AP2S1: variants seen among roughly 807,000 people sequenced by gnomAD.
AP2S1 encodes the protein adaptor related protein complex 2 subunit sigma 1.
AP2S1 carries 6 observed loss-of-function variants against 21.0 expected under a neutral mutation model. That is an observed-to-expected ratio of 0.29 (90% confidence interval 0.16 to 0.56). The LOEUF (loss-of-function observed/expected upper bound fraction) is 0.56, where lower values mean the gene tolerates loss of function less well. Among genes scored for constraint, AP2S1 ranks in the 20% least tolerant of loss-of-function variants. AP2S1 has a pLI of 0.92. For missense variants in AP2S1, 60 were observed against 186.2 expected (o/e 0.32, Z 3.95); for synonymous variants, 63 against 74.6 (o/e 0.84, Z 0.80).
chr19:46,841,437 C>T (rs1004780050), intron 2 of AP2S1, among the ~76,000 whole-genome samples: 3 of 152,196 alleles, frequency 2.0e-5, no homozygotes, highest in African/African-American at 7.2e-5. Flanking sequence ...TCTCAGGGAT[C>T]TGCTGCAGAC....
Position 46,838,186 on chromosome 19 carries a change from T to G in AP2S1, c.*261A>C. On this transcript the variant is annotated 3_prime_UTR_variant, in exon 5 of 5. Transcript: ENST00000263270. This position sits in a 1 kb window ranked among gnomAD's most constrained non-coding sequence, Gnocchi z 4.1. ...GGCAAGGCCAGGCAGGACCACAGGT[T>G]TATTGGGGACTCCACGCACAGACGC... 3 of 493,518 alleles carry G rather than the reference T, an allele frequency of 6.1e-6. No individual in the cohort carries two copies. Among genetic ancestry groups the G allele is most frequent in the East Asian group, 3.5e-5 (1 of 28,316 alleles). 30.6% of individuals were successfully genotyped at this position (493,518 alleles called of 1,614,324 possible).
chr19:46,838,850 C>A lies in AP2S1; in HGVS notation c.268-51G>T, dbSNP rs1428015908. On this transcript the variant is annotated intron_variant, in intron 3 of 4. Coordinates refer to ENST00000263270, the MANE Select transcript of AP2S1 (RefSeq NM_004069.6). The surrounding 1 kb of genome is among the most constrained non-coding windows in gnomAD (Gnocchi z 4.1). ...AGAGATGGGCAGGGAGAGAGCCACA[C>A]ACGCACAGAGATGGGAACAAGGTCA... The A allele has an allele frequency of 6.5e-7, 1 of 1,548,952 alleles. No individual in the cohort carries two copies. The highest frequency in any genetic ancestry group is 1.4e-5 in the African/African-American group (1 of 73,620).
chr19:46,844,426 C>T (rs980872561), intron 2 of AP2S1, among the ~76,000 whole-genome samples: 1 of 152,176 alleles, frequency 6.6e-6, no homozygotes, highest in Non-Finnish European at 1.5e-5. Flanking sequence ...GACATTGGCT[C>T]CTTCCTCCCC....
rs370660532 is a variant in AP2S1, at chr19:46,846,191, G to A, written c.4-49C>T. 145 of 1,606,838 alleles carry A rather than the reference G, an allele frequency of 9.0e-5. 1 individual carries two copies. Among genetic ancestry groups the A allele is most frequent in the Middle Eastern group, 3.3e-4 (2 of 6,010 alleles). On this transcript the variant is annotated intron_variant, in intron 1 of 4. Transcript: ENST00000263270. ...AGGAAGTGAGAGAGGCAGAGAGGGCGGGTTGGGTGCTGCCCAACGGCCCCA... is the reference window on the plus strand; with the variant it reads ...AGGAAGTGAGAGAGGCAGAGAGGGCAGGTTGGGTGCTGCCCAACGGCCCCA...
In AP2S1 at chr19:46,838,233, G is replaced by T; in HGVS notation, c.*214C>A. ...ACGCTTATGGCATCACACGACAACG[G>T]CACGGTTACTCGGGACACACACGGT... On this transcript the variant is annotated 3_prime_UTR_variant, in exon 5 of 5. Transcript: ENST00000263270. The surrounding 1 kb of genome is among the most constrained non-coding windows in gnomAD (Gnocchi z 4.1). 1.7e-6 allele frequency: 1 copy of T among 588,306 alleles called. No individual in the cohort carries two copies. Among genetic ancestry groups the T allele is most frequent in the African/African-American group, 1.9e-5 (1 of 53,668 alleles). 36.4% of individuals were successfully genotyped at this position (588,306 alleles called of 1,614,324 possible).
rs111373526 is a variant in AP2S1 at position 46,838,582 on chromosome 19, C to A, written c.328-34G>T. ...GGGGAGACCCTGGGGTGAGACGAGG[C>A]CCCCCAGGATGCTGGCCCGGACCCT... On this transcript the variant is annotated intron_variant, in intron 4 of 4. Transcript: ENST00000263270. The surrounding 1 kb of genome is among the most constrained non-coding windows in gnomAD (Gnocchi z 4.1). The A allele has an allele frequency of 1.2e-6, 2 of 1,608,958 alleles. No homozygotes were observed. The highest frequency in any genetic ancestry group is 1.3e-5 in the African/African-American group (1 of 74,814).
At chr19:46,847,444 C>T (rs1170770759) in intron 1 of AP2S1, among the ~76,000 whole-genome samples, 1 of 152,152 alleles carries the variant, frequency 6.6e-6, no homozygotes, top group Non-Finnish European at 1.5e-5. Context: ...TCTCGAACTC[C>T]TGGCCTCAAG....
chr19:46,840,720 A>ATTTTTTT (rs781138883), intron 2 of AP2S1, among the ~76,000 whole-genome samples: 19 of 110,718 alleles, frequency 1.7e-4, no homozygotes, highest in African/African-American at 6.3e-4. Context: ...AGTCTTCGGC[A>ATTTTTTT]TTTTTTTTTT....
chr19:46,844,329 T>C (rs899960863), intron 2 of AP2S1, among the ~76,000 whole-genome samples: 1 of 152,188 alleles, frequency 6.6e-6, no homozygotes, highest in Admixed American at 6.5e-5. Context: ...CCTGGCTGCA[T>C]TCCTGCTATC....
At chr19:46,845,735 T>A in intron 2 of AP2S1, 1 of 374,188 alleles carries the variant, frequency 2.7e-6, no homozygotes, top group Non-Finnish European at 4.8e-6. Flanking sequence ...ATATTAATAC[T>A]GATTAAATCT....
rs754791186 is a variant in AP2S1 at position 46,838,531 on chromosome 19, G to A, written c.345C>T (p.Asp115=). ...GGATTTCGCCAGCCAGGAACATCTC[G>A]TCCACGACCGTGTAAACCTGTGTGA... ...FNFYKVYTVV[D]EMFLAGEIRE... Residue 115 remains aspartate, a synonymous_variant, in exon 5 of 5, where the codon GAC becomes GAT. Transcript: ENST00000263270. The surrounding 1 kb of genome is among the most constrained non-coding windows in gnomAD (Gnocchi z 4.1). 9.3e-6 allele frequency: 15 copies of A among 1,614,070 alleles called. No individual in the cohort carries two copies. The highest frequency in any genetic ancestry group is 2.2e-5 in the East Asian group (1 of 44,898).
chr19:46,839,477 G>A lies in AP2S1; in HGVS notation c.255C>T (p.His85=). Residue 85 remains histidine, a synonymous_variant, in exon 3 of 5, where the codon CAC becomes CAT. Transcript: ENST00000263270. ...TCTCCCGCCGTACCTCCACGAAGTT[G>A]TGAATGGCCTCCAGGTAAGCCAGGT... ...DNNLAYLEAI[H]NFVEVLNEYF... 6.9e-7 allele frequency: 1 copy of A among 1,439,338 alleles called. No homozygotes were observed. The allele number at this position is 1,439,338 out of a possible 1,614,324, so 89.2% of individuals were successfully genotyped here. A position where few individuals can be genotyped will look rare whatever the true frequency, so the allele number is the denominator to read the frequency against.
intron 1 of AP2S1, among the ~76,000 whole-genome samples, chr19:46,847,029 T>C (rs893919017): frequency 3.9e-5 from 6 of 152,080 alleles, no homozygotes; most frequent in African/African-American, 1.4e-4. Context: ...TGGTAGGTGG[T>C]AGATACTCAA....
intron 2 of AP2S1, among the ~76,000 whole-genome samples, chr19:46,843,719 C>T (rs905495230): frequency 6.6e-6 from 1 of 151,454 alleles, no homozygotes; most frequent in African/African-American, 2.4e-5. Flanking sequence ...TGAGAACCCA[C>T]CTGAAAAGAA....
At chr19:46,848,303 C>A (rs944782699) in intron 1 of AP2S1, among the ~76,000 whole-genome samples, 1 of 152,058 alleles carries the variant, frequency 6.6e-6, no homozygotes, top group Admixed American at 6.6e-5. Context: ...TCACTTGAAC[C>A]CAGGAGGCAG....
intron 1 of AP2S1, among the ~76,000 whole-genome samples, chr19:46,846,912 C>T (rs533752146): frequency 1.3e-5 from 2 of 152,214 alleles, no homozygotes; most frequent in South Asian, 4.2e-4. Flanking sequence ...GTGATCCGCC[C>T]GCCTCTGCCT....
At chr19:46,840,720 A>AT (rs781138883) in intron 2 of AP2S1, among the ~76,000 whole-genome samples, 6,508 of 110,702 alleles carry the variant, frequency 0.059, 754 homozygotes, top group African/African-American at 0.18. Context: ...AGTCTTCGGC[A>AT]TTTTTTTTTT....
intron 1 of AP2S1, chr19:46,850,188 C>T (rs1170540389): frequency 8.1e-7 from 1 of 1,232,510 alleles, no homozygotes; most frequent in African/African-American, 1.6e-5. Flanking sequence ...GTTTCATTCC[C>T]TACAGTTGCC....
rs752456982 is a variant in AP2S1 at position 46,838,597 on chromosome 19, G to T, written c.328-49C>A. ...TGAGACGAGGCCCCCCAGGATGCTG[G>T]CCCGGACCCTGGAAGCTGGGGCTCT... On this transcript the variant is annotated intron_variant, in intron 4 of 4. Transcript: ENST00000263270. The surrounding 1 kb of genome is among the most constrained non-coding windows in gnomAD (Gnocchi z 4.1). 6.2e-7 allele frequency: 1 copy of T among 1,602,838 alleles called. No homozygotes were observed. Among genetic ancestry groups the T allele is most frequent in the Non-Finnish European group, 8.5e-7 (1 of 1,170,034 alleles).
Sources: allele counts gnomAD v4.1 joint callset (sites outside exome capture counted in the v4.1 genomes callset), GRCh38; gene constraint gnomAD v4.1.1; non-coding constraint Gnocchi (gnomAD v3.1); transcripts MANE v1.5; gene names NCBI Gene and HGNC (gene_info 2026-07-23, HGNC 2026-07-21).